The following RHEB variants were observed in gnomAD, a reference collection of about 807,000 sequenced individuals.
The protein encoded by RHEB is Ras homolog, mTORC1 binding.
A neutral mutation model predicts 28.8 loss-of-function variants in RHEB; 2 were observed. The ratio of observed to expected loss-of-function variants is 0.07; its 90% CI spans 0.03 to 0.22. The LOEUF (loss-of-function observed/expected upper bound fraction) is 0.22. Among genes scored for constraint, RHEB ranks in the 10% least tolerant of loss-of-function variants. The probability of loss-of-function intolerance (pLI) is 1.00; values close to 1 mark genes in which losing one functional copy is unlikely to be tolerated. For synonymous variants in RHEB, 69 were observed against 77.3 expected (o/e 0.89, Z 0.56); for missense variants, 76 against 219.9 (o/e 0.35, Z 4.14).
intron 1 of RHEB, among the ~76,000 whole-genome samples, chr7:151,506,744 AT>A (rs1297718148): frequency 6.6e-6 from 1 of 152,216 alleles, no homozygotes; most frequent in South Asian, 2.1e-4. Flanking sequence ...TTACTGTTTC[AT>A]TTACCCACAG....
intron 4 of RHEB, among the ~76,000 whole-genome samples, chr7:151,476,744 A>G (rs1241435035): frequency 6.6e-6 from 1 of 152,222 alleles, no homozygotes; most frequent in East Asian, 1.9e-4. Context: ...CAATGCCCAG[A>G]GCTCCGCTGC....
intron 1 of RHEB, among the ~76,000 whole-genome samples, chr7:151,506,936 G>C (rs76306581): frequency 0.033 from 5,045 of 152,232 alleles, 268 homozygotes; most frequent in African/African-American, 0.11. Context: ...CATCACTTGA[G>C]GCTCCCAAGA....
At chr7:151,478,066 C>T (rs1206248837) in intron 3 of RHEB, among the ~76,000 whole-genome samples, 1 of 152,108 alleles carries the variant, frequency 6.6e-6, no homozygotes, top group African/African-American at 2.4e-5. Flanking sequence ...AGAAAGGTAC[C>T]TATTACGCAA....
intron 1 of RHEB, chr7:151,503,095 A>G (rs540003059): frequency 3.6e-5 from 29 of 804,410 alleles, no homozygotes; most frequent in Non-Finnish European, 6.4e-5. Context: ...AGACTTTGGA[A>G]AAGGGAGCTG....
chr7:151,507,450 T>C (rs1802905209), intron 1 of RHEB, among the ~76,000 whole-genome samples: 1 of 152,222 alleles, frequency 6.6e-6, no homozygotes, highest in Non-Finnish European at 1.5e-5. Flanking sequence ...TTTACGATTC[T>C]AATTGGAATA....
chr7:151,475,638 A>G (rs1802258283), intron 4 of RHEB, among the ~76,000 whole-genome samples: 1 of 152,242 alleles, frequency 6.6e-6, no homozygotes, highest in Non-Finnish European at 1.5e-5. Context: ...AGTCAGTAAG[A>G]AAATGATCAT....
At chr7:151,510,619 C>T (rs1333233924) in intron 1 of RHEB, among the ~76,000 whole-genome samples, 1 of 152,168 alleles carries the variant, frequency 6.6e-6, no homozygotes, top group African/African-American at 2.4e-5. Flanking sequence ...GCTTTTGTGA[C>T]TGGTACAAAG....
intron 1 of RHEB, among the ~76,000 whole-genome samples, chr7:151,497,024 G>A (rs2150932344): frequency 6.7e-6 from 1 of 148,880 alleles, no homozygotes; most frequent in South Asian, 2.1e-4. Flanking sequence ...CCCTGGTCTT[G>A]TGATCTGCCT....
At chr7:151,502,888 G>C (rs1300114106) in intron 1 of RHEB, 1 of 845,284 alleles carries the variant, frequency 1.2e-6, no homozygotes, top group Admixed American at 1.7e-5. Flanking sequence ...TGTTTGATCA[G>C]AGGTTACAAT....
intron 1 of RHEB, chr7:151,502,583 G>C: frequency 8.1e-7 from 1 of 1,240,844 alleles, no homozygotes; most frequent in Non-Finnish European, 1.2e-6. Context: ...TTCCATAAAG[G>C]GGCTCTTACA....
chr7:151,471,806 G>A (rs556568213), intron 4 of RHEB: 1 of 495,108 alleles, frequency 2.0e-6, no homozygotes, highest in African/African-American at 2.0e-5. Flanking sequence ...CCCTGACTGA[G>A]GATATTCAAA....
chr7:151,502,438 T>C, intron 1 of RHEB: 2 of 820,006 alleles, frequency 2.4e-6, no homozygotes, highest in Non-Finnish European at 4.4e-6. Flanking sequence ...TCAAACTTTA[T>C]AACAAAGTAC....
At chr7:151,509,874 C>T (rs912810680) in intron 1 of RHEB, among the ~76,000 whole-genome samples, 5 of 152,200 alleles carry the variant, frequency 3.3e-5, no homozygotes, top group Non-Finnish European at 7.3e-5. Context: ...TCTGTGGCTG[C>T]TTCCGTCCTA....
chr7:151,491,453 C>T lies in RHEB; in HGVS notation c.53-439G>A, dbSNP rs75540404. Among the ~76,000 whole-genome samples, 1,446 of 152,198 alleles carry T rather than the reference C, an allele frequency of 9.5e-3. 22 individuals are homozygous for T. Among genetic ancestry groups the T allele is most frequent in the African/African-American group, 0.032 (1,341 of 41,530 alleles). On this transcript the variant is annotated intron_variant, in intron 1 of 7. Coordinates refer to ENST00000262187, the MANE Select transcript of RHEB (RefSeq NM_005614.4). ...AGTACAGCTTTTAAAAAGAGTAATCCGGCCAGGCACCATGGCTCACGCCTG... is the reference window on the plus strand; with the variant it reads ...AGTACAGCTTTTAAAAAGAGTAATCTGGCCAGGCACCATGGCTCACGCCTG...
chr7:151,476,532 GTTTC>G (rs1802275553), intron 4 of RHEB, among the ~76,000 whole-genome samples: 1 of 152,180 alleles, frequency 6.6e-6, no homozygotes, highest in Non-Finnish European at 1.5e-5. Context: ...CTGTCACTCA[GTTTC>G]TTTCCACGTA....
At position 151,500,649 on chromosome 7, in the gene RHEB, G is replaced by C. The variant is rs77969403; in HGVS notation, c.53-9635C>G. 8.8e-3 allele frequency among the ~76,000 whole-genome samples: 1,337 copies of C among 152,284 alleles called. 11 individuals are homozygous for C. Among genetic ancestry groups the C allele is most frequent in the South Asian group, 0.029 (138 of 4,830 alleles). ...GCTTGAGGTCAGGAGTTTGAGACAA[G>C]CCTGGGGAACACAGGAAGACCAGTC... On this transcript the variant is annotated intron_variant, in intron 1 of 7. Transcript: ENST00000262187.
intron 1 of RHEB, among the ~76,000 whole-genome samples, chr7:151,491,414 T>G (rs1305931704): frequency 6.6e-6 from 1 of 152,234 alleles, no homozygotes; most frequent in East Asian, 1.9e-4. Flanking sequence ...ATATGACGGT[T>G]AGAAGTGTTA....
rs1232153987 is a variant in RHEB at position 151,477,420 on chromosome 7, G to T, written c.193-5C>A. 4.6e-6 allele frequency: 7 copies of T among 1,526,326 alleles called. No individual in the cohort carries two copies. In the South Asian group the frequency reaches 8.4e-5, roughly 18 times the overall value. The allele number at this position is 1,526,326 out of a possible 1,614,324, so 94.5% of individuals were successfully genotyped here. A position where few individuals can be genotyped will look rare whatever the true frequency, so the allele number is the denominator to read the frequency against. On this transcript the variant is annotated splice_polypyrimidine_tract_variant and splice_region_variant and intron_variant, in intron 3 of 7. Transcript: ENST00000262187. Reference sequence around the variant, plus strand: ...AGGAAAGATAGAATATTCATCCTGTGGGGAAAAAAAATTATCTTTGAGTAG... The same window carrying T: ...AGGAAAGATAGAATATTCATCCTGTTGGGAAAAAAAATTATCTTTGAGTAG...
chr7:151,505,211 A>G (rs1802848964), intron 1 of RHEB, among the ~76,000 whole-genome samples: 1 of 152,158 alleles, frequency 6.6e-6, no homozygotes. Flanking sequence ...CATCAAACTT[A>G]CAAACTTCTT....
Sources: allele counts gnomAD v4.1 joint callset (sites outside exome capture counted in the v4.1 genomes callset), GRCh38; gene constraint gnomAD v4.1.1; transcripts MANE v1.5; gene names NCBI Gene and HGNC (gene_info 2026-07-23, HGNC 2026-07-21).